The following SLC35F3 variants were observed in gnomAD, a reference collection of about 807,000 sequenced individuals.
SLC35F3 encodes the protein putative thiamine transporter SLC35F3.
In SLC35F3, 25 loss-of-function variants were observed where a neutral mutation model predicts 49.9. That is an observed-to-expected ratio of 0.50 (90% CI 0.37 to 0.70). The LOEUF is 0.70. Ranked by LOEUF, SLC35F3 falls within the 30% of genes least tolerant of loss-of-function variation. The pLI, the probability that SLC35F3 is intolerant of heterozygous loss-of-function variation, is 0.00. For synonymous variants in SLC35F3, 275 were observed against 265.4 expected, an observed-to-expected ratio of 1.04 and a Z score of -0.35; for missense variants, 525 against 639.8, an observed-to-expected ratio of 0.82 and a Z score of 1.94.
At chr1:234,120,903 A>G (rs17571409) in intron 2 of SLC35F3, among the ~76,000 whole-genome samples, 20,587 of 152,126 alleles carry the variant, frequency 0.14, 3,065 homozygotes, top group East Asian at 0.81. Context: ...AATTCTCACT[A>G]ATGCCTTGAA....
chr1:233,960,205 C>A (rs751024864), intron 2 of SLC35F3, among the ~76,000 whole-genome samples: 2 of 152,150 alleles, frequency 1.3e-5, no homozygotes, highest in Admixed American at 1.3e-4. Flanking sequence ...ACATGCCATC[C>A]GTTCTCCTTC....
At chr1:234,158,638 A>G (rs1038809049) in intron 2 of SLC35F3, among the ~76,000 whole-genome samples, 2 of 152,200 alleles carry the variant, frequency 1.3e-5, no homozygotes, top group South Asian at 2.1e-4. Flanking sequence ...TTTGTTATAA[A>G]CATTCTTCTG....
At chr1:233,953,103 G>A (rs1470993792) in intron 2 of SLC35F3, among the ~76,000 whole-genome samples, 1 of 152,098 alleles carries the variant, frequency 6.6e-6, no homozygotes, top group Non-Finnish European at 1.5e-5. Flanking sequence ...GAATGAGCTC[G>A]AAATAGGAAA....
intron 2 of SLC35F3, among the ~76,000 whole-genome samples, chr1:233,997,148 C>T (rs1663474800): frequency 6.6e-6 from 1 of 152,108 alleles, no homozygotes; most frequent in African/African-American, 2.4e-5. Flanking sequence ...TTCTCCACTC[C>T]CCTGTGGTTG....
chr1:234,259,338 A>C (rs1667866591), intron 3 of SLC35F3, among the ~76,000 whole-genome samples: 1 of 152,144 alleles, frequency 6.6e-6, no homozygotes, highest in African/African-American at 2.4e-5. Flanking sequence ...ACAGCTTCCC[A>C]CCTCCCATTA....
In SLC35F3 at chr1:233,957,803, G is replaced by A. The variant is rs760529804; in HGVS notation, c.283+52045G>A. Reference sequence around the variant, plus strand: ...GCACTCCACCTAGGGCGACAAAAGCGAAACTCCATCTCAAAAAAAAAATAC... The same window carrying A: ...GCACTCCACCTAGGGCGACAAAAGCAAAACTCCATCTCAAAAAAAAAATAC... On this transcript the variant is annotated intron_variant, in intron 2 of 7. Coordinates refer to ENST00000366618, the MANE Select transcript of SLC35F3 (RefSeq NM_173508.4). The surrounding 1 kb of genome is among the most constrained non-coding windows in gnomAD (Gnocchi z 4.0). Among the ~76,000 whole-genome samples, 3 of 151,566 alleles carry A rather than the reference G, an allele frequency of 2.0e-5. No individual in the cohort carries two copies. The highest frequency in any genetic ancestry group is 1.3e-4 in the Admixed American group (2 of 15,214).
chr1:234,305,028 G>A (rs1657112333), intron 3 of SLC35F3, among the ~76,000 whole-genome samples: 1 of 152,198 alleles, frequency 6.6e-6, no homozygotes, highest in South Asian at 2.1e-4. Context: ...TAGTTTAAAA[G>A]AAAAGCTTCC....
chr1:234,066,145 T>C (rs1482880877), intron 2 of SLC35F3, among the ~76,000 whole-genome samples: 1 of 152,238 alleles, frequency 6.6e-6, no homozygotes, highest in African/African-American at 2.4e-5. Context: ...AATTCCAGTT[T>C]CCACAGTTCT....
intron 2 of SLC35F3, among the ~76,000 whole-genome samples, chr1:234,221,776 C>T (rs933165198): frequency 6.6e-6 from 1 of 152,206 alleles, no homozygotes; most frequent in African/African-American, 2.4e-5. Context: ...CCTCCATTAG[C>T]TAATTAATAT....
At chr1:234,053,176 C>T (rs1664403873) in intron 2 of SLC35F3, among the ~76,000 whole-genome samples, 1 of 152,158 alleles carries the variant, frequency 6.6e-6, no homozygotes, top group African/African-American at 2.4e-5. Flanking sequence ...GAGCTGAGTT[C>T]AAGTCCTGGA....
At chr1:234,241,867 C>T (rs1667559507) in intron 3 of SLC35F3, among the ~76,000 whole-genome samples, 1 of 152,076 alleles carries the variant, frequency 6.6e-6, no homozygotes, top group Non-Finnish European at 1.5e-5. Flanking sequence ...TCACTGGTAC[C>T]CCTGCTGCTG....
At chr1:234,120,670 G>A (rs980904052) in intron 2 of SLC35F3, among the ~76,000 whole-genome samples, 3 of 152,226 alleles carry the variant, frequency 2.0e-5, no homozygotes, top group African/African-American at 7.2e-5. Flanking sequence ...CAGCAAGAGC[G>A]TGAAGCTCAA....
At chr1:234,259,622 G>A (rs568589218) in intron 3 of SLC35F3, among the ~76,000 whole-genome samples, 4 of 152,024 alleles carry the variant, frequency 2.6e-5, no homozygotes, top group East Asian at 3.9e-4. Flanking sequence ...TGCAGTGAGC[G>A]GAGATCGTGC....
intron 2 of SLC35F3, among the ~76,000 whole-genome samples, chr1:234,143,318 C>G (rs77166780): frequency 0.017 from 2,323 of 133,852 alleles, 54 homozygotes; most frequent in African/African-American, 0.058. Flanking sequence ...GATAAAGGCT[C>G]ACTCTTGTGG....
In SLC35F3 at chr1:233,905,521, GACCGC is replaced by G. The variant is rs1558173676; in HGVS notation, c.54-6_54-2del. The G allele has an allele frequency of 6.2e-7, 1 of 1,608,180 alleles. No homozygotes were observed. Among genetic ancestry groups the G allele is most frequent in the Admixed American group, 1.7e-5 (1 of 59,324 alleles). On this transcript the variant is annotated splice_polypyrimidine_tract_variant and splice_region_variant and intron_variant, in intron 1 of 7. Coordinates refer to ENST00000366618, the MANE Select transcript of SLC35F3 (RefSeq NM_173508.4). ...CCACCCACCTGCCCGTGGCGCCTGC[GACCGC>G]AGTGGCATGAGGAGGTCACCGGACG...
At chr1:234,032,263 T>TA (rs1378091763) in intron 2 of SLC35F3, among the ~76,000 whole-genome samples, 2 of 152,202 alleles carry the variant, frequency 1.3e-5, no homozygotes, top group Non-Finnish European at 2.9e-5. Flanking sequence ...CATGTTTATA[T>TA]TATTATAAGT....
chr1:233,960,835 A>C (rs562827730), intron 2 of SLC35F3, among the ~76,000 whole-genome samples: 247 of 151,982 alleles, frequency 1.6e-3, no homozygotes, highest in African/African-American at 5.7e-3. Flanking sequence ...TTCGACCTTG[A>C]CCTTGCATAA....
At chr1:234,244,362 C>A (rs1667598979) in intron 3 of SLC35F3, among the ~76,000 whole-genome samples, 1 of 152,066 alleles carries the variant, frequency 6.6e-6, no homozygotes, top group Non-Finnish European at 1.5e-5. Flanking sequence ...CGGTGGGGTG[C>A]TGGTAGAAAG....
chr1:234,213,079 C>A (rs975024877), intron 2 of SLC35F3: 1 of 152,168 alleles, frequency 6.6e-6, no homozygotes, highest in Non-Finnish European at 1.5e-5. Context: ...ACAAGAGCAA[C>A]TCCTAGGAGC....
Sources: gnomAD v4.1 joint callset for allele counts (sites outside exome capture counted in the v4.1 genomes callset) on GRCh38, gnomAD v4.1.1 for gene constraint, Gnocchi (gnomAD v3.1) non-coding constraint, MANE v1.5 for transcripts, NCBI Gene and HGNC (gene_info 2026-07-23, HGNC 2026-07-21) for gene names.